PDCD6IP: variants seen among roughly 807,000 people sequenced by gnomAD.
The protein encoded by PDCD6IP is programmed cell death 6 interacting protein.
A neutral mutation model predicts 103.7 loss-of-function variants in PDCD6IP; 43 were observed. The ratio of observed to expected loss-of-function variants is 0.41; its 90% confidence interval spans 0.32 to 0.53. The LOEUF (loss-of-function observed/expected upper bound fraction) is 0.53. Among genes scored for constraint, PDCD6IP ranks in the 20% least tolerant of loss-of-function variants. The probability of loss-of-function intolerance (pLI) is 0.16; values close to 1 mark genes in which losing one functional copy is unlikely to be tolerated. For missense variants in PDCD6IP, 871 were observed against 1,036.7 expected (o/e 0.84, Z 2.20); for synonymous variants, 354 against 378.7 (o/e 0.93, Z 0.76).
chr3:33,863,206 C>T (rs1012793074), intron 15 of PDCD6IP, among the ~76,000 whole-genome samples: 1 of 152,088 alleles, frequency 6.6e-6, no homozygotes, highest in Non-Finnish European at 1.5e-5. Context: ...TATTTTGATA[C>T]ATGAATACAA....
chr3:33,838,182 T>C, intron 8 of PDCD6IP, 22 bp from the exon 9 acceptor site: 4 of 1,609,560 alleles, frequency 2.5e-6, no homozygotes, highest in Non-Finnish European at 3.4e-6. Flanking sequence ...AATTTTGTTG[T>C]AATTTCTCTT....
At chr3:33,805,959 A>G (rs1278642294) in intron 1 of PDCD6IP, among the ~76,000 whole-genome samples, 1 of 151,308 alleles carries the variant, frequency 6.6e-6, no homozygotes, top group Non-Finnish European at 1.5e-5. Flanking sequence ...GTTAGCCAGG[A>G]TGGTGTCGAT....
chr3:33,815,265 A>G (rs1696822024), intron 3 of PDCD6IP, among the ~76,000 whole-genome samples: 1 of 151,892 alleles, frequency 6.6e-6, no homozygotes, highest in African/African-American at 2.4e-5. Flanking sequence ...GATATTAGAA[A>G]GCAGATTGTG....
chr3:33,851,218 C>T (rs529983403), intron 12 of PDCD6IP, among the ~76,000 whole-genome samples: 19 of 151,648 alleles, frequency 1.3e-4, no homozygotes, highest in Non-Finnish European at 1.9e-4. Context: ...AGACAGGGCT[C>T]GTGATGTCCT....
At chr3:33,811,453 C>G (rs950893256) in intron 1 of PDCD6IP, among the ~76,000 whole-genome samples, 2 of 152,146 alleles carry the variant, frequency 1.3e-5, no homozygotes, top group Non-Finnish European at 2.9e-5. Flanking sequence ...TTGGCCTGAC[C>G]CTTTTCTCCT....
In PDCD6IP at chr3:33,838,805, TA is replaced by T. The variant is rs200719070; in HGVS notation, c.1181+479del. On this transcript the variant is annotated intron_variant, in intron 9 of 17. Coordinates refer to ENST00000307296, the MANE Select transcript of PDCD6IP (RefSeq NM_013374.6). ...ATATATATATTTATGTATATATATA[TA>T]TTTTTTGTTTTTTGGGACAGGGTCT... Among the ~76,000 whole-genome samples the T allele has an allele frequency of 1.2e-4, 18 of 146,982 alleles. No homozygotes were observed. The South Asian group carries it at 2.6e-3, about 21-fold the overall frequency.
At position 33,864,040 on chromosome 3, in the gene PDCD6IP, G is replaced by A. The variant is rs62620697; in HGVS notation, c.2155G>A (p.Ala719Thr). 723 of 1,613,798 alleles carry A rather than the reference G, an allele frequency of 4.5e-4. 1 individual carries two copies. Among genetic ancestry groups the A allele is most frequent in the Admixed American group, 6.8e-4 (41 of 59,990 alleles). The change falls in exon 16 of 18, where the codon GCT becomes ACT. Residue 719 changes from alanine to threonine, a missense_variant. Coordinates refer to ENST00000307296, the MANE Select transcript of PDCD6IP (RefSeq NM_013374.6). ...LQQSIAREPS[A>T]PSIPTPAYQS... ...ACAAAGCATTGCCAGAGAACCTAGT[G>A]CTCCTTCAATTCCTACACCTGCGTA... is the stretch of plus-strand genomic sequence containing the variant.
intron 8 of PDCD6IP, 146 bp from the exon 9 acceptor site, chr3:33,838,058 T>C: frequency 4.3e-6 from 3 of 694,102 alleles, no homozygotes; most frequent in Non-Finnish European, 7.3e-6. Context: ...GTGCTTTAAA[T>C]AGTGATTTAG....
At position 33,825,191 on chromosome 3, in the gene PDCD6IP, C is replaced by G. The variant is rs766294744; in HGVS notation, c.467C>G (p.Ala156Gly). Residue 156 changes from alanine to glycine, a missense_variant, in exon 5 of 18, where the codon GCT becomes GGT. By Grantham distance (60) the Ala-to-Gly change is moderately conservative (BLOSUM62 0). Coordinates refer to ENST00000307296, the MANE Select transcript of PDCD6IP (RefSeq NM_013374.6). ...AATTCTTTTTCCCCCCTTTAGTTTG[C>G]TAGTGGTGCCTTTTTACATATTAAA... Reference protein sequence around the residue: ...LKIAAKHYQFASGAFLHIKET... With the variant: ...LKIAAKHYQFGSGAFLHIKET... 6.2e-7 allele frequency: 1 copy of G among 1,607,160 alleles called. No homozygotes were observed. Among genetic ancestry groups the G allele is most frequent in the Admixed American group, 1.7e-5 (1 of 58,012 alleles).
intron 12 of PDCD6IP, among the ~76,000 whole-genome samples, chr3:33,851,993 C>T (rs1697724810): frequency 1.3e-5 from 2 of 152,138 alleles, no homozygotes; most frequent in South Asian, 4.1e-4. Context: ...AAAATCATAC[C>T]TTCCCCTGCT....
In PDCD6IP at chr3:33,841,776, T is replaced by G. The variant is rs981438603; in HGVS notation, c.1182-121T>G. ...TAATTGATAGGGCTTATCCAGTTTT[T>G]CTGGGTGCTAACTCCATTGCTGTTG... On this transcript the variant is annotated intron_variant, in intron 9 of 17. Transcript: ENST00000307296. 2.5e-5 allele frequency: 17 copies of G among 691,042 alleles called. No homozygotes were observed. The African/African-American group carries it at 2.9e-4, about 12-fold the overall frequency. 42.8% of individuals were successfully genotyped at this position (691,042 alleles called of 1,614,324 possible). A position where few individuals can be genotyped will look rare whatever the true frequency, so the allele number is the denominator to read the frequency against.
chr3:33,842,405 C>G (rs1171142837), intron 10 of PDCD6IP, among the ~76,000 whole-genome samples: 1 of 152,046 alleles, frequency 6.6e-6, no homozygotes, highest in Non-Finnish European at 1.5e-5. Context: ...TAGCATGTAG[C>G]AAGATTTTTC....
At chr3:33,855,343 A>G in intron 15 of PDCD6IP, 83 bp downstream of exon 15, 2 of 769,652 alleles carry the variant, frequency 2.6e-6, no homozygotes, top group Non-Finnish European at 4.5e-6. Flanking sequence ...TGAACTTGGT[A>G]GTATGAGATA....
intron 1 of PDCD6IP, among the ~76,000 whole-genome samples, chr3:33,809,769 C>G (rs759499745): frequency 2.0e-5 from 3 of 152,106 alleles, no homozygotes; most frequent in Non-Finnish European, 4.4e-5. Context: ...CAATCTGGAC[C>G]AGTTCTTCAG....
chr3:33,835,667 G>A (rs1389477465), intron 7 of PDCD6IP, among the ~76,000 whole-genome samples: 1 of 152,052 alleles, frequency 6.6e-6, no homozygotes, highest in Non-Finnish European at 1.5e-5. Context: ...ACAGTGAGCC[G>A]AGATCGCGCC....
At chr3:33,801,814 G>A (rs994420643) in intron 1 of PDCD6IP, among the ~76,000 whole-genome samples, 1 of 152,120 alleles carries the variant, frequency 6.6e-6, no homozygotes, top group African/African-American at 2.4e-5. Context: ...TACCAGCATT[G>A]TGTAATTTCT....
chr3:33,813,634 T>C lies in PDCD6IP; in HGVS notation c.334+6T>C. On this transcript the variant is annotated splice_donor_region_variant and intron_variant, in intron 3 of 17. Coordinates refer to ENST00000307296, the MANE Select transcript of PDCD6IP (RefSeq NM_013374.6). ...TGGAGGCTCTGTAAAACTGGGTATG[T>C]AATTTTTAATAAAAGTGATAGGAAA... The C allele has an allele frequency of 1.3e-6, 2 of 1,523,932 alleles. No individual in the cohort carries two copies. Among genetic ancestry groups the C allele is most frequent in the Non-Finnish European group, 9.1e-7 (1 of 1,100,834 alleles). 94.4% of individuals were successfully genotyped at this position (1,523,932 alleles called of 1,614,324 possible).
At position 33,862,554 on chromosome 3, in the gene PDCD6IP, A is replaced by G. The variant is rs183759371; in HGVS notation, c.2121-1452A>G. ...GAGACAGAATTTTCTAATATTTAAT[A>G]CTAAATTGTAATAGTATTTTCAGCA... On this transcript the variant is annotated intron_variant, in intron 15 of 17. Transcript: ENST00000307296. Among the ~76,000 whole-genome samples the G allele has an allele frequency of 1.1e-3, 164 of 152,326 alleles. 1 individual carries two copies. Among genetic ancestry groups the G allele is most frequent in the African/African-American group, 3.5e-3 (146 of 41,572 alleles).
At chr3:33,829,403 G>T (rs1258773389) in intron 7 of PDCD6IP, among the ~76,000 whole-genome samples, 1 of 152,106 alleles carries the variant, frequency 6.6e-6, no homozygotes, top group Non-Finnish European at 1.5e-5. Context: ...TATGTGTAGT[G>T]TTTAACTTGT....
Sources: gnomAD v4.1 joint callset for allele counts (sites outside exome capture counted in the v4.1 genomes callset) on GRCh38, gnomAD v4.1.1 for gene constraint, MANE v1.5 for transcripts, NCBI Gene and HGNC (gene_info 2026-07-23, HGNC 2026-07-21) for gene names.